The following MECOM variants were observed in gnomAD, a reference collection of about 807,000 sequenced individuals.
MECOM encodes histone-lysine N-methyltransferase MECOM.
Under a neutral mutation model 116.3 loss-of-function variants are expected in MECOM, and 13 were observed. The observed-to-expected ratio is 0.11, with a 90% confidence interval of 0.07 to 0.18. The LOEUF (loss-of-function observed/expected upper bound fraction) is 0.18, where lower values mean the gene tolerates loss of function less well. MECOM is among the 10% of genes least tolerant of loss of function. The pLI is 1.00. For missense variants in MECOM, 1,299 were observed against 1,509.0 expected, an observed-to-expected ratio of 0.86 and a Z score of 2.31; for synonymous variants, 528 against 535.2, an observed-to-expected ratio of 0.99 and a Z score of 0.19.
At chr3:169,234,712 C>T (rs982274613) in intron 2 of MECOM, among the ~76,000 whole-genome samples, 3 of 152,152 alleles carry the variant, frequency 2.0e-5, no homozygotes, top group African/African-American at 7.2e-5. Flanking sequence ...TTATTCCTGG[C>T]CATATATTTT....
chr3:169,440,754 A>C (rs967825915), intron 1 of MECOM, among the ~76,000 whole-genome samples: 1 of 152,106 alleles, frequency 6.6e-6, no homozygotes, highest in Non-Finnish European at 1.5e-5. Flanking sequence ...TTTCCCCTTC[A>C]TATTGGTGAT....
Position 169,576,822 on chromosome 3 carries a change from CACACACACACACACACAG to C in MECOM, c.37+86496_37+86513del, listed in dbSNP as rs902674300. Among the ~76,000 whole-genome samples the C allele has an allele frequency of 5.5e-5, 7 of 128,060 alleles. No homozygotes were observed. The South Asian group carries it at 7.0e-4, about 13-fold the overall frequency. 84.0% of individuals were successfully genotyped at this position (128,060 alleles called of 152,430 possible). ...ACACACACACACACACACACACACA[CACACACACACACACACAG>C]AGAGAGAGAGAGAGAGTTAAGAGTG... On this transcript the variant is annotated intron_variant, in intron 1 of 16. Coordinates refer to ENST00000651503, the MANE Select transcript of MECOM (RefSeq NM_004991.4).
At chr3:169,426,417 G>A (rs933198052) in intron 1 of MECOM, among the ~76,000 whole-genome samples, 1 of 152,128 alleles carries the variant, frequency 6.6e-6, no homozygotes, top group Non-Finnish European at 1.5e-5. Flanking sequence ...GGACACTCAG[G>A]CAGGGAAAAG....
At chr3:169,409,442 G>A (rs1033621437) in intron 1 of MECOM, among the ~76,000 whole-genome samples, 35 of 152,094 alleles carry the variant, frequency 2.3e-4, no homozygotes, top group South Asian at 4.1e-4. Flanking sequence ...TTTTCATGGC[G>A]TGGTTTGAAT....
intron 1 of MECOM, among the ~76,000 whole-genome samples, chr3:169,485,953 G>GTATATA (rs1560340522): frequency 1.9e-5 from 2 of 103,984 alleles, no homozygotes; most frequent in African/African-American, 8.5e-5. Flanking sequence ...ATGTATATAT[G>GTATATA]TACATATATA....
chr3:169,099,484 T>C (rs1307122720), intron 12 of MECOM, among the ~76,000 whole-genome samples: 1 of 152,172 alleles, frequency 6.6e-6, no homozygotes, highest in Non-Finnish European at 1.5e-5. Context: ...CACTTATAAT[T>C]AGTGATTTAT....
At chr3:169,649,082 G>A (rs1352973828) in intron 1 of MECOM, among the ~76,000 whole-genome samples, 1 of 152,170 alleles carries the variant, frequency 6.6e-6, no homozygotes, top group Non-Finnish European at 1.5e-5. Context: ...GTGTTTATGG[G>A]CTATGTAAAT....
intron 2 of MECOM, among the ~76,000 whole-genome samples, chr3:169,177,103 A>C (rs1745283740): frequency 6.6e-6 from 1 of 152,192 alleles, no homozygotes; most frequent in Admixed American, 6.5e-5. Context: ...TGACCCAGCA[A>C]TTCCCTTACT....
At chr3:169,478,145 G>A (rs1177077283) in intron 1 of MECOM, among the ~76,000 whole-genome samples, 5 of 152,216 alleles carry the variant, frequency 3.3e-5, no homozygotes, top group South Asian at 2.1e-4. Context: ...CTGACAAAGA[G>A]AGACATCCAA....
At chr3:169,389,213 T>G (rs2108324522) in intron 1 of MECOM, among the ~76,000 whole-genome samples, 1 of 152,334 alleles carries the variant, frequency 6.6e-6, no homozygotes, top group Middle Eastern at 3.4e-3. Context: ...AACTTTCTCT[T>G]CAGAGATGGA....
At chr3:169,197,343 TAAAATA>T (rs762727095) in intron 2 of MECOM, among the ~76,000 whole-genome samples, 324 of 30,582 alleles carry the variant, frequency 0.011, 4 homozygotes, top group African/African-American at 0.066. Context: ...AATAAATAAA[TAAAATA>T]AAATAAAATA....
intron 1 of MECOM, among the ~76,000 whole-genome samples, chr3:169,589,147 T>TC (rs1384233661): frequency 2.6e-5 from 4 of 152,102 alleles, no homozygotes; most frequent in Non-Finnish European, 5.9e-5. Context: ...CCCTCTTTTT[T>TC]CCCTCCCAAC....
chr3:169,579,815 C>T (rs1452404413), intron 1 of MECOM, among the ~76,000 whole-genome samples: 1 of 152,164 alleles, frequency 6.6e-6, no homozygotes, highest in Non-Finnish European at 1.5e-5. Context: ...AGCTGATCTG[C>T]CAACAGCAGC....
intron 2 of MECOM, among the ~76,000 whole-genome samples, chr3:169,149,949 G>C (rs950426238): frequency 2.0e-4 from 30 of 148,764 alleles, no homozygotes; most frequent in South Asian, 1.8e-3. Context: ...GTGTGTGTGT[G>C]TGTGTGTGTG....
chr3:169,623,048 A>G (rs1264305865), intron 1 of MECOM, among the ~76,000 whole-genome samples: 1 of 152,218 alleles, frequency 6.6e-6, no homozygotes, highest in Admixed American at 6.5e-5. Flanking sequence ...GAGAAATCGC[A>G]CAAAGAAGGG....
At chr3:169,133,384 TG>T (rs1261609714) in intron 3 of MECOM, 4 of 152,282 alleles carry the variant, frequency 2.6e-5, no homozygotes, top group Non-Finnish European at 5.9e-5. Context: ...AAAGTCCAAT[TG>T]TTTATTTTTC....
chr3:169,396,845 T>C (rs1735095315), intron 1 of MECOM, among the ~76,000 whole-genome samples: 1 of 152,202 alleles, frequency 6.6e-6, no homozygotes, highest in Non-Finnish European at 1.5e-5. Flanking sequence ...TGGTGGTGCA[T>C]GCCTGTAATC....
intron 15 of MECOM, among the ~76,000 whole-genome samples, 183 bp from the exon 16 acceptor site, chr3:169,089,366 T>C (rs142849585): frequency 8.3e-4 from 127 of 152,252 alleles, no homozygotes; most frequent in African/African-American, 3.0e-3. Flanking sequence ...AAAATATATT[T>C]CTGTTAAGAT....
intron 1 of MECOM, among the ~76,000 whole-genome samples, chr3:169,524,440 C>T (rs956946517): frequency 6.6e-6 from 1 of 152,166 alleles, no homozygotes; most frequent in Admixed American, 6.5e-5. Context: ...GCTGCTTTAG[C>T]AAGTAGAAAT....
Sources: gnomAD v4.1 joint callset for allele counts (sites outside exome capture counted in the v4.1 genomes callset) on GRCh38, gnomAD v4.1.1 for gene constraint, MANE v1.5 for transcripts, NCBI Gene and HGNC (gene_info 2026-07-23, HGNC 2026-07-21) for gene names.